Variants in ZC3H7A observed in about 807,000 individuals in gnomAD.
ZC3H7A encodes zinc finger CCCH-type containing 7A.
A neutral mutation model predicts 125.5 loss-of-function variants in ZC3H7A; 44 were observed. That is an observed-to-expected ratio of 0.35 (90% CI 0.28 to 0.45). ZC3H7A has a LOEUF of 0.45. Ranked by LOEUF, ZC3H7A falls within the 20% of genes least tolerant of loss-of-function variation. The pLI, the probability that ZC3H7A is intolerant of heterozygous loss-of-function variation, is 1.00. For missense variants in ZC3H7A, 977 were observed against 1,170.7 expected (o/e 0.83, Z 2.41); for synonymous variants, 399 against 391.2 (o/e 1.02, Z -0.23).
Position 11,788,675 on chromosome 16 carries a change from G to A in ZC3H7A, c.-34-6287C>T, listed in dbSNP as rs550127142. 4.0e-5 allele frequency among the ~76,000 whole-genome samples: 6 copies of A among 149,974 alleles called. No individual in the cohort carries two copies. The South Asian group carries it at 8.4e-4, about 21-fold the overall frequency. The stretch of plus-strand genomic sequence containing the variant: ...GTTGCCCAGGCTGGAGTGTAGTGGC[G>A]TGATCTCGGCTCAATACAACCTCCG... On this transcript the variant is annotated intron_variant, in intron 1 of 22. Transcript: ENST00000355758.
At chr16:11,771,214 TC>T (rs2052975068) in intron 9 of ZC3H7A, among the ~76,000 whole-genome samples, 1 of 151,956 alleles carries the variant, frequency 6.6e-6, no homozygotes, top group Admixed American at 6.6e-5. Flanking sequence ...ACGGTGAAAC[TC>T]CATCTCCACT....
At chr16:11,772,843 T>C (rs190479125) in intron 9 of ZC3H7A, among the ~76,000 whole-genome samples, 3 of 151,806 alleles carry the variant, frequency 2.0e-5, no homozygotes, top group African/African-American at 4.9e-5. Context: ...ATTACAGATA[T>C]GCACCACCAT....
Position 11,779,547 on chromosome 16 carries a change from T to C in ZC3H7A, c.109-184A>G, listed in dbSNP as rs147875627. Reference sequence around the variant, plus strand: ...CAGCTAGGGATTGAATCTTGCTTGCTTTTTCAAGGGGAAATTCAATTTCTC... The same window carrying C: ...CAGCTAGGGATTGAATCTTGCTTGCCTTTTCAAGGGGAAATTCAATTTCTC... On this transcript the variant is annotated intron_variant, in intron 3 of 22. Transcript: ENST00000355758. Among the ~76,000 whole-genome samples, 479 of 152,326 alleles carry C rather than the reference T, an allele frequency of 3.1e-3. 2 individuals carry two copies. Among genetic ancestry groups the C allele is most frequent in the African/African-American group, 0.01 (433 of 41,578 alleles).
chr16:11,795,967 A>G (rs2053430109), intron 1 of ZC3H7A, among the ~76,000 whole-genome samples: 1 of 151,966 alleles, frequency 6.6e-6, no homozygotes, highest in Admixed American at 6.6e-5. Flanking sequence ...CGAGTAGCTG[A>G]CTACCGGCGT....
chr16:11,774,182 T>C, intron 9 of ZC3H7A, 54 bp downstream of exon 9: 1 of 1,437,584 alleles, frequency 7.0e-7, no homozygotes, highest in Non-Finnish European at 9.2e-7. Context: ...ATATTACAAT[T>C]TTTAAAAAGT....
chr16:11,790,187 A>T (rs1264354481), intron 1 of ZC3H7A, among the ~76,000 whole-genome samples: 2 of 152,134 alleles, frequency 1.3e-5, no homozygotes, highest in Admixed American at 1.3e-4. Context: ...CCCACCAACA[A>T]TGCAGAGGAT....
intron 1 of ZC3H7A, among the ~76,000 whole-genome samples, chr16:11,791,722 T>C (rs1490767604): frequency 1.3e-5 from 2 of 152,174 alleles, no homozygotes; most frequent in Non-Finnish European, 2.9e-5. Context: ...GAGCTGGTTA[T>C]AGTGGGGCTT....
chr16:11,778,870 T>G (rs1002633886), intron 4 of ZC3H7A, among the ~76,000 whole-genome samples: 2 of 152,010 alleles, frequency 1.3e-5, no homozygotes, highest in African/African-American at 4.8e-5. Context: ...CACGCCACCA[T>G]GCCCAGTTAA....
chr16:11,773,649 G>A (rs1269412653), intron 9 of ZC3H7A, among the ~76,000 whole-genome samples: 4 of 151,782 alleles, frequency 2.6e-5, no homozygotes, highest in Non-Finnish European at 4.4e-5. Context: ...TTGGGAGGCC[G>A]AGGCGGGTGG....
rs1596409879 is a variant in ZC3H7A at position 11,793,620 on chromosome 16, T to C, written c.-35+3504A>G. On this transcript the variant is annotated intron_variant, in intron 1 of 22. Coordinates refer to ENST00000355758, the MANE Select transcript of ZC3H7A (RefSeq NM_014153.4). ...CAGACTGAAGCCTGTGTAATATTAA[T>C]AGCTTTAAAACAACAACTACAAAGT... 3.3e-5 allele frequency among the ~76,000 whole-genome samples: 5 copies of C among 152,276 alleles called. No individual in the cohort carries two copies. The East Asian group carries it at 9.6e-4, about 29-fold the overall frequency.
At chr16:11,794,668 GTTTC>G (rs1284757943) in intron 1 of ZC3H7A, among the ~76,000 whole-genome samples, 1 of 152,184 alleles carries the variant, frequency 6.6e-6, no homozygotes, top group African/African-American at 2.4e-5. Flanking sequence ...GACGTCTTTT[GTTTC>G]TTTCTTCCTT....
chr16:11,768,271 G>C (rs780287864), intron 12 of ZC3H7A, 44 bp downstream of exon 12: 1 of 1,385,172 alleles, frequency 7.2e-7, no homozygotes, highest in Admixed American at 2.6e-5. Context: ...TCAAGGTTAT[G>C]AGCAAGTAGT....
At chr16:11,784,577 C>T (rs2053225007) in intron 1 of ZC3H7A, among the ~76,000 whole-genome samples, 1 of 151,876 alleles carries the variant, frequency 6.6e-6, no homozygotes, top group Non-Finnish European at 1.5e-5. Context: ...TAAAAGAGGC[C>T]GGGCGCAGTG....
Position 11,752,861 on chromosome 16 carries a change from T to C in ZC3H7A, c.2563-29A>G, listed in dbSNP as rs977021376. ...ATGTGCAGCAAAGACACATGTCCCATTAGTCACCTGATGTGAGATCCAGAC... is the reference window on the plus strand; with the variant it reads ...ATGTGCAGCAAAGACACATGTCCCACTAGTCACCTGATGTGAGATCCAGAC... On this transcript the variant is annotated intron_variant, in intron 21 of 22. Transcript: ENST00000355758. The C allele has an allele frequency of 1.9e-6, 3 of 1,601,990 alleles. No individual in the cohort carries two copies. In the African/African-American group the frequency reaches 4.0e-5, roughly 22 times the overall value.
At chr16:11,757,118 G>A (rs535221167) in intron 20 of ZC3H7A, among the ~76,000 whole-genome samples, 54 of 152,240 alleles carry the variant, frequency 3.5e-4, no homozygotes, top group African/African-American at 1.2e-3. Flanking sequence ...AGATGCCTGA[G>A]CAACTTCTGC....
rs563239745 is a variant in ZC3H7A, at chr16:11,771,053, C to G, written c.904-66G>C. 5 of 1,420,560 alleles carry G rather than the reference C, an allele frequency of 3.5e-6. No homozygotes were observed. In the African/African-American group the frequency reaches 4.3e-5, roughly 12 times the overall value. 88.0% of individuals were successfully genotyped at this position (1,420,560 alleles called of 1,614,324 possible). A position where few individuals can be genotyped will look rare whatever the true frequency, so the allele number is the denominator to read the frequency against. On this transcript the variant is annotated intron_variant, in intron 9 of 22. Transcript: ENST00000355758. ...GTCATGGGTTTGGCTGAACTACTTTCAACACCAGCAAATAAAAGCATTATT... is the reference window on the plus strand; with the variant it reads ...GTCATGGGTTTGGCTGAACTACTTTGAACACCAGCAAATAAAAGCATTATT...
In ZC3H7A at chr16:11,765,383, G is replaced by T. The variant is rs2052837669; in HGVS notation, c.1719+106C>A. 1.3e-6 allele frequency: 1 copy of T among 743,394 alleles called. No individual in the cohort carries two copies. Among genetic ancestry groups the T allele is most frequent in the Non-Finnish European group, 2.0e-6 (1 of 488,002 alleles). The allele number at this position is 743,394 out of a possible 1,614,324, so 46.0% of individuals were successfully genotyped here. A position where few individuals can be genotyped will look rare whatever the true frequency, so the allele number is the denominator to read the frequency against. The stretch of plus-strand genomic sequence containing the variant: ...GATATTATTTATCATATAAATAAAT[G>T]AATATTTATTCATTTACCAAGTGAA... On this transcript the variant is annotated intron_variant, in intron 14 of 22. Transcript: ENST00000355758. This position sits in a 1 kb window ranked among gnomAD's most constrained non-coding sequence, Gnocchi z 4.8.
chr16:11,772,505 T>G (rs947345815), intron 9 of ZC3H7A, among the ~76,000 whole-genome samples: 1 of 151,766 alleles, frequency 6.6e-6, no homozygotes, highest in African/African-American at 2.4e-5. Flanking sequence ...AGGAAAATGA[T>G]GCACTATGAT....
At position 11,782,267 on chromosome 16, in the gene ZC3H7A, A is replaced by G; in HGVS notation, c.68+20T>C. 1.2e-6 allele frequency: 2 copies of G among 1,614,104 alleles called. No homozygotes were observed. The highest frequency in any genetic ancestry group is 1.3e-5 in the African/African-American group (1 of 75,056). On this transcript the variant is annotated intron_variant, in intron 2 of 22. Transcript: ENST00000355758. ...AAGAATTAGGACGCGGCAAGAACAC[A>G]AGAACTCTGAAGCTCTTACTGTATA... is the stretch of plus-strand genomic sequence containing the variant.
Sources: gnomAD v4.1 joint callset for allele counts (sites outside exome capture counted in the v4.1 genomes callset) on GRCh38, gnomAD v4.1.1 for gene constraint, Gnocchi (gnomAD v3.1) non-coding constraint, MANE v1.5 for transcripts, NCBI Gene and HGNC (gene_info 2026-07-23, HGNC 2026-07-21) for gene names.